NTM: variants seen among roughly 807,000 people sequenced by gnomAD.
NTM encodes the protein neurotrimin.
In NTM, 13 loss-of-function variants were observed where a neutral mutation model predicts 42.1. That is an observed-to-expected ratio of 0.31 (90% confidence interval 0.20 to 0.49). The LOEUF is 0.49. NTM is among the 20% of genes least tolerant of loss of function. The probability of loss-of-function intolerance (pLI) is 0.99; values close to 1 mark genes in which losing one functional copy is unlikely to be tolerated. For missense variants in NTM, 373 were observed against 452.8 expected (o/e 0.82, Z 1.60); for synonymous variants, 187 against 179.2 (o/e 1.04, Z -0.35).
chr11:131,733,980 A>ATT (rs1253646452), intron 1 of NTM, among the ~76,000 whole-genome samples: 1 of 152,168 alleles, frequency 6.6e-6, no homozygotes, highest in Non-Finnish European at 1.5e-5. Flanking sequence ...GTTGTTCATA[A>ATT]TTTTTTGTCT....
At chr11:131,472,408 C>T (rs1952518427) in intron 1 of NTM, among the ~76,000 whole-genome samples, 1 of 152,150 alleles carries the variant, frequency 6.6e-6, no homozygotes, top group Admixed American at 6.5e-5. Context: ...ATCCCATGAA[C>T]AGAATAGTTA....
chr11:132,165,661 A>G (rs2075154604), intron 3 of NTM, among the ~76,000 whole-genome samples: 1 of 152,164 alleles, frequency 6.6e-6, no homozygotes, highest in Admixed American at 6.5e-5. Flanking sequence ...CTTGCTGAAG[A>G]TCATCCAAAT....
chr11:131,413,508 G>A (rs1176071277), intron 1 of NTM, among the ~76,000 whole-genome samples: 1 of 152,156 alleles, frequency 6.6e-6, no homozygotes, highest in Non-Finnish European at 1.5e-5. Context: ...GGCCAGAGCC[G>A]TTTTGTCAGG....
At chr11:131,531,491 A>AGTGT (rs1435466839) in intron 1 of NTM, among the ~76,000 whole-genome samples, 1 of 152,172 alleles carries the variant, frequency 6.6e-6, no homozygotes, top group Admixed American at 6.5e-5. Context: ...GTCATTGCAA[A>AGTGT]GTGTAGTGAA....
chr11:131,436,263 T>A (rs1346433146), intron 1 of NTM, among the ~76,000 whole-genome samples: 1 of 152,154 alleles, frequency 6.6e-6, no homozygotes, highest in Non-Finnish European at 1.5e-5. Context: ...TTTTGTTGCG[T>A]CTCTGCCAGG....
intron 4 of NTM, among the ~76,000 whole-genome samples, chr11:132,240,003 C>T (rs1174223233): frequency 6.6e-6 from 1 of 151,394 alleles, no homozygotes; most frequent in Non-Finnish European, 1.5e-5. Flanking sequence ...TCCATCCATT[C>T]ATCCATCCAA....
chr11:131,762,111 G>A (rs1194816328), intron 1 of NTM, among the ~76,000 whole-genome samples: 1 of 152,162 alleles, frequency 6.6e-6, no homozygotes, highest in Non-Finnish European at 1.5e-5. Context: ...CAGCCCAGGC[G>A]GACTAATACA....
At chr11:131,396,033 G>A (rs1046110805) in intron 1 of NTM, among the ~76,000 whole-genome samples, 10 of 152,114 alleles carry the variant, frequency 6.6e-5, no homozygotes, top group African/African-American at 1.9e-4. Context: ...GGGCAGAAAG[G>A]GTTCTGGAGG....
intron 3 of NTM, among the ~76,000 whole-genome samples, chr11:132,194,855 C>T (rs1257748615): frequency 7.3e-6 from 1 of 137,726 alleles, no homozygotes; most frequent in South Asian, 2.5e-4. Context: ...CAGGGTCTCA[C>T]TCTGTCACCC....
intron 4 of NTM, among the ~76,000 whole-genome samples, chr11:132,230,775 G>A (rs988064531): frequency 6.6e-6 from 1 of 151,972 alleles, no homozygotes; most frequent in Non-Finnish European, 1.5e-5. Context: ...TGTAATCCCA[G>A]CACAATAGGA....
intron 1 of NTM, among the ~76,000 whole-genome samples, chr11:131,750,869 C>T (rs527897874): frequency 3.3e-5 from 5 of 152,186 alleles, no homozygotes; most frequent in South Asian, 2.1e-4. Flanking sequence ...CTGTGGTGTC[C>T]GGGGATGCCT....
At chr11:131,373,929 G>C (rs1427224400) in intron 1 of NTM, among the ~76,000 whole-genome samples, 1 of 152,224 alleles carries the variant, frequency 6.6e-6, no homozygotes, top group Non-Finnish European at 1.5e-5. Flanking sequence ...CAGCACCCGG[G>C]AGGTGGGCGG....
At chr11:132,106,169 C>T (rs920916965) in intron 2 of NTM, among the ~76,000 whole-genome samples, 3 of 152,174 alleles carry the variant, frequency 2.0e-5, no homozygotes, top group African/African-American at 4.8e-5. Context: ...TACTTGAAAG[C>T]CTTCAGCTAA....
intron 7 of NTM, among the ~76,000 whole-genome samples, chr11:132,325,924 A>C (rs1412098251): frequency 1.3e-5 from 2 of 151,580 alleles, no homozygotes; most frequent in Non-Finnish European, 1.5e-5. Context: ...AGGACAAAAA[A>C]CCAAACACCG....
At chr11:132,306,558 CTAAA>C (rs2140171525) in intron 4 of NTM, 1 of 152,212 alleles carries the variant, frequency 6.6e-6, no homozygotes, top group South Asian at 2.1e-4. Context: ...GTGTGTTAGT[CTAAA>C]TAGCCCCGTG....
At chr11:132,079,630 G>C (rs1352202391) in intron 2 of NTM, among the ~76,000 whole-genome samples, 1 of 151,882 alleles carries the variant, frequency 6.6e-6, no homozygotes. Context: ...TTCTAAAATA[G>C]AGTTAGGCTA....
intron 1 of NTM, among the ~76,000 whole-genome samples, chr11:131,417,550 G>A (rs1947080539): frequency 6.6e-6 from 1 of 152,126 alleles, no homozygotes; most frequent in Admixed American, 6.5e-5. Context: ...TCTGAATACT[G>A]TAAACTCTCC....
chr11:132,292,091 G>T (rs915918743), intron 4 of NTM, among the ~76,000 whole-genome samples: 1 of 152,208 alleles, frequency 6.6e-6, no homozygotes, highest in African/African-American at 2.4e-5. Context: ...AGCAGGTGAA[G>T]ATTGAGGAGA....
At chr11:131,487,393 A>C (rs1954291273) in intron 1 of NTM, among the ~76,000 whole-genome samples, 1 of 152,184 alleles carries the variant, frequency 6.6e-6, no homozygotes, top group African/African-American at 2.4e-5. Context: ...TATTATTTCC[A>C]GTTTCAATGA....
Sources: gnomAD v4.1 joint callset for allele counts (sites outside exome capture counted in the v4.1 genomes callset) on GRCh38, gnomAD v4.1.1 for gene constraint, MANE v1.5 for transcripts, NCBI Gene and HGNC (gene_info 2026-07-23, HGNC 2026-07-21) for gene names.